The following SPIDR variants were observed in gnomAD, a reference collection of about 807,000 sequenced individuals.
The protein encoded by SPIDR is scaffold protein involved in DNA repair, also known as DNA repair-scaffolding protein.
SPIDR carries 93 observed loss-of-function variants against 104.6 expected under a neutral mutation model. The ratio of observed to expected loss-of-function variants is 0.89; its 90% CI spans 0.75 to 1.06. The LOEUF is 1.06. SPIDR is among the 50% of genes least tolerant of loss of function. SPIDR has a pLI of 0.00. For missense variants in SPIDR, 1,154 were observed against 1,111.2 expected, an observed-to-expected ratio of 1.04 and a Z score of -0.55; for synonymous variants, 431 against 416.9, an observed-to-expected ratio of 1.03 and a Z score of -0.41.
intron 16 of SPIDR, 25 bp from the exon 17 acceptor site, chr8:47,727,175 T>G: frequency 6.2e-7 from 1 of 1,611,704 alleles, no homozygotes; most frequent in Non-Finnish European, 8.5e-7. Context: ...GCCTCTGAGG[T>G]GGGCTTTCCT....
At chr8:47,664,203 G>T (rs1210619720) in intron 10 of SPIDR, among the ~76,000 whole-genome samples, 1 of 152,060 alleles carries the variant, frequency 6.6e-6, no homozygotes, top group African/African-American at 2.4e-5. Flanking sequence ...TCATCACCCA[G>T]CAAATGAGTC....
intron 8 of SPIDR, among the ~76,000 whole-genome samples, chr8:47,461,098 T>A (rs1478761206): frequency 6.6e-6 from 1 of 152,192 alleles, no homozygotes; most frequent in Non-Finnish European, 1.5e-5. Context: ...AGATTCTTCA[T>A]TTTGACTTAG....
At chr8:47,316,967 A>T (rs2045481398) in intron 5 of SPIDR, among the ~76,000 whole-genome samples, 1 of 152,164 alleles carries the variant, frequency 6.6e-6, no homozygotes, top group Admixed American at 6.5e-5. Context: ...AGTAAGATGG[A>T]TTGGTGGAGC....
chr8:47,283,658 A>C (rs2038254230), intron 2 of SPIDR, among the ~76,000 whole-genome samples: 1 of 152,218 alleles, frequency 6.6e-6, no homozygotes, highest in African/African-American at 2.4e-5. Context: ...TTTGGCAATG[A>C]GATATTCTGG....
intron 5 of SPIDR, among the ~76,000 whole-genome samples, chr8:47,370,465 G>A (rs1235856999): frequency 4.0e-5 from 1 of 24,818 alleles, no homozygotes; most frequent in African/African-American, 2.1e-4. Flanking sequence ...TTTTTTTTTT[G>A]AGACGGAGTT....
chr8:47,664,446 T>A (rs1326421681), intron 10 of SPIDR, among the ~76,000 whole-genome samples: 1 of 152,164 alleles, frequency 6.6e-6, no homozygotes, highest in South Asian at 2.1e-4. Context: ...AAGGAACATA[T>A]GTTAACAATG....
intron 8 of SPIDR, among the ~76,000 whole-genome samples, chr8:47,515,106 A>G (rs2082915977): frequency 6.6e-6 from 1 of 152,180 alleles, no homozygotes; most frequent in Admixed American, 6.5e-5. Context: ...GCTGGGCCAC[A>G]CTGTGCTGTG....
intron 5 of SPIDR, among the ~76,000 whole-genome samples, chr8:47,312,645 C>T (rs138340043): frequency 0.015 from 2,303 of 152,070 alleles, 56 homozygotes; most frequent in African/African-American, 0.053. Context: ...AGGTAGGTTG[C>T]GAAAATTTTC....
chr8:47,512,006 C>T (rs898261856), intron 8 of SPIDR: 2 of 764,568 alleles, frequency 2.6e-6, no homozygotes, highest in Non-Finnish European at 4.7e-6. Flanking sequence ...ATGTCTTCTT[C>T]CCCTCTGTCC....
At chr8:47,697,488 CAT>C (rs2079505542) in intron 11 of SPIDR, among the ~76,000 whole-genome samples, 3 of 152,136 alleles carry the variant, frequency 2.0e-5, no homozygotes, top group Admixed American at 1.3e-4. Flanking sequence ...ATAATAAAAA[CAT>C]AGCACTGAAA....
intron 10 of SPIDR, among the ~76,000 whole-genome samples, chr8:47,622,977 G>T (rs1479136053): frequency 6.6e-6 from 1 of 152,162 alleles, no homozygotes; most frequent in African/African-American, 2.4e-5. Flanking sequence ...GTGGCCCACA[G>T]CAGTCTCAGT....
chr8:47,513,977 G>A (rs2082744412), intron 8 of SPIDR, among the ~76,000 whole-genome samples: 1 of 152,092 alleles, frequency 6.6e-6, no homozygotes, highest in Non-Finnish European at 1.5e-5. Flanking sequence ...GCTGTGGTTG[G>A]TGACTCACCA....
chr8:47,282,220 A>G (rs1446093973), intron 2 of SPIDR, among the ~76,000 whole-genome samples: 11 of 152,370 alleles, frequency 7.2e-5, no homozygotes, highest in African/African-American at 2.4e-4. Context: ...TAGGATTTTC[A>G]GAATGATACA....
Position 47,317,815 on chromosome 8 carries a change from C to A in SPIDR, c.525+23785C>A, listed in dbSNP as rs969623535. Among the ~76,000 whole-genome samples, 7 of 152,314 alleles carry A rather than the reference C, an allele frequency of 4.6e-5. No homozygotes were observed. The South Asian group carries it at 1.5e-3, about 32-fold the overall frequency. The stretch of plus-strand genomic sequence containing the variant: ...GGTATCCGCTGTTCTGCAGCCTCCA[C>A]TGCTGATACTCAGGGAAACAGGGTG... On this transcript the variant is annotated intron_variant, in intron 5 of 19. Transcript: ENST00000297423.
rs1554561335 is a variant in SPIDR, at chr8:47,284,119, C to A, written c.256+25C>A. The A allele has an allele frequency of 4.5e-6, 7 of 1,565,324 alleles. No homozygotes were observed. The South Asian group carries it at 8.1e-5, about 18-fold the overall frequency. On this transcript the variant is annotated intron_variant, in intron 3 of 19. Coordinates refer to ENST00000297423, the MANE Select transcript of SPIDR (RefSeq NM_001080394.4). ...GGTAACTATTTTGTTGATTTCTTGA[C>A]AGAGAAGATATAAGACTAATAAATC...
intron 8 of SPIDR, among the ~76,000 whole-genome samples, chr8:47,505,565 C>T (rs2081343351): frequency 6.6e-6 from 1 of 152,210 alleles, no homozygotes. Context: ...AAGGGAATTC[C>T]CTGACCCCTT....
intron 5 of SPIDR, among the ~76,000 whole-genome samples, chr8:47,318,557 A>G (rs2045879991): frequency 6.6e-6 from 1 of 150,544 alleles, no homozygotes; most frequent in Non-Finnish European, 1.5e-5. Context: ...CAATCTAGCA[A>G]GGCAGGCCAA....
At chr8:47,560,640 A>AT (rs1485376095) in intron 8 of SPIDR, among the ~76,000 whole-genome samples, 7 of 152,154 alleles carry the variant, frequency 4.6e-5, no homozygotes, top group Admixed American at 1.3e-4. Context: ...GCTGATGATG[A>AT]TTTTTTCTTC....
chr8:47,686,840 C>T (rs193211153), intron 11 of SPIDR, among the ~76,000 whole-genome samples: 1 of 151,986 alleles, frequency 6.6e-6, no homozygotes, highest in Non-Finnish European at 1.5e-5. Flanking sequence ...TTTTGTTAAA[C>T]AACAGCAATA....
Sources: gnomAD v4.1 joint callset for allele counts (sites outside exome capture counted in the v4.1 genomes callset) on GRCh38, gnomAD v4.1.1 for gene constraint, MANE v1.5 for transcripts, NCBI Gene and HGNC (gene_info 2026-07-23, HGNC 2026-07-21) for gene names.